Variants in IRAG1 observed in about 807,000 individuals in gnomAD.
IRAG1 encodes the protein IP3R-associated cGMP kinase substrate.
A neutral mutation model predicts 106.2 loss-of-function variants in IRAG1; 62 were observed. The observed-to-expected ratio is 0.58, with a 90% CI of 0.48 to 0.72. The LOEUF is 0.72. Ranked by LOEUF, IRAG1 falls within the 30% of genes least tolerant of loss-of-function variation. The probability of loss-of-function intolerance (pLI) is 0.00; values close to 1 mark genes in which losing one functional copy is unlikely to be tolerated. For synonymous variants in IRAG1, 462 were observed against 443.9 expected, an observed-to-expected ratio of 1.04 and a Z score of -0.51; for missense variants, 1,064 against 1,140.7, an observed-to-expected ratio of 0.93 and a Z score of 0.97.
At chr11:10,600,225 C>T (rs1305447725) in intron 15 of IRAG1, among the ~76,000 whole-genome samples, 1 of 152,188 alleles carries the variant, frequency 6.6e-6, no homozygotes, top group Non-Finnish European at 1.5e-5. Context: ...TGGGCCCTCC[C>T]CCGTGCTCCT....
Position 10,604,452 on chromosome 11 carries a change from C to T in IRAG1, c.1696G>A (p.Glu566Lys). 1 of 1,614,056 alleles carries T rather than the reference C, an allele frequency of 6.2e-7. No homozygotes were observed. Among genetic ancestry groups the T allele is most frequent in the Non-Finnish European group, 8.5e-7 (1 of 1,179,890 alleles). The stretch of plus-strand genomic sequence containing the variant: ...TCCAGTTCTTTCTCAGTGTTCTCCT[C>T]TGTCAGGTTGCGTTCCCTTTCAGCC... The part of the protein sequence containing the change: ...NQAERERNLT[E>K]ENTEKELENF... Residue 566 changes from glutamate (E) to lysine (K), a missense_variant, in exon 13 of 21, where the codon GAG becomes AAG. Coordinates refer to ENST00000423302, the MANE Select transcript of IRAG1 (RefSeq NM_130385.4).
intron 1 of IRAG1, among the ~76,000 whole-genome samples, chr11:10,686,255 C>T (rs192851896): frequency 3.3e-5 from 5 of 152,234 alleles, no homozygotes; most frequent in East Asian, 1.9e-4. Flanking sequence ...CATTCGCCCA[C>T]GTCAAACAGT....
intron 11 of IRAG1, among the ~76,000 whole-genome samples, chr11:10,607,511 C>T (rs1006408704): frequency 2.6e-5 from 4 of 152,316 alleles, no homozygotes; most frequent in Non-Finnish European, 2.9e-5. Context: ...CATGTCCACT[C>T]GATGCTGCTG....
chr11:10,646,530 C>T (rs1471236433), intron 2 of IRAG1, among the ~76,000 whole-genome samples: 1 of 152,134 alleles, frequency 6.6e-6, no homozygotes, highest in Non-Finnish European at 1.5e-5. Flanking sequence ...CCTCCATAGC[C>T]AGAGGTTCTA....
chr11:10,610,404 C>T (rs983272170), intron 10 of IRAG1, among the ~76,000 whole-genome samples: 2 of 152,230 alleles, frequency 1.3e-5, no homozygotes, highest in South Asian at 2.1e-4. Flanking sequence ...GCCTCCTAGT[C>T]AACAGAGACA....
intron 10 of IRAG1, among the ~76,000 whole-genome samples, chr11:10,621,519 C>G (rs1443880123): frequency 1.3e-5 from 2 of 152,174 alleles, no homozygotes; most frequent in Non-Finnish European, 2.9e-5. Flanking sequence ...ACCAGAGCAG[C>G]CCCATTTGCA....
chr11:10,667,194 G>A (rs891949522), intron 1 of IRAG1, among the ~76,000 whole-genome samples: 6 of 151,394 alleles, frequency 4.0e-5, no homozygotes, highest in African/African-American at 1.5e-4. Flanking sequence ...CTGGATCCCA[G>A]AAGCCCCAAA....
At chr11:10,609,475 T>G (rs746740101) in intron 11 of IRAG1, among the ~76,000 whole-genome samples, 2 of 152,248 alleles carry the variant, frequency 1.3e-5, no homozygotes, top group Non-Finnish European at 2.9e-5. Context: ...TCTGCTGCCA[T>G]GAGCTTCTGG....
chr11:10,671,345 G>A (rs886985043), intron 1 of IRAG1, among the ~76,000 whole-genome samples: 1 of 152,136 alleles, frequency 6.6e-6, no homozygotes, highest in South Asian at 2.1e-4. Flanking sequence ...CATTAGCAAT[G>A]AACAATCAAA....
At chr11:10,646,223 C>T (rs769203596) in intron 2 of IRAG1, among the ~76,000 whole-genome samples, 1 of 152,190 alleles carries the variant, frequency 6.6e-6, no homozygotes. Flanking sequence ...GATAGGCCTC[C>T]TACAACCCTT....
chr11:10,597,690 T>G (rs1158055194), intron 15 of IRAG1, among the ~76,000 whole-genome samples: 1 of 152,206 alleles, frequency 6.6e-6, no homozygotes, highest in Non-Finnish European at 1.5e-5. Flanking sequence ...CTTAAAAAAA[T>G]TGTCAGATCA....
chr11:10,581,349 G>A (rs567150368), intron 19 of IRAG1, among the ~76,000 whole-genome samples: 32 of 152,248 alleles, frequency 2.1e-4, no homozygotes, highest in African/African-American at 7.7e-4. Context: ...TTGAGGCTTG[G>A]TACCTGCTCA....
Position 10,628,087 on chromosome 11 carries a change from A to G in IRAG1, c.653-62T>C. The G allele has an allele frequency of 6.4e-7, 1 of 1,567,494 alleles. No homozygotes were observed. The highest frequency in any genetic ancestry group is 8.8e-7 in the Non-Finnish European group (1 of 1,141,792). ...AGCCCAGGCCCTCAGCTGTGCTTTC[A>G]GCCACATCTCCCTCCCCGGGCTATC... On this transcript the variant is annotated intron_variant, in intron 6 of 20. Transcript: ENST00000423302. This position sits in a 1 kb window ranked among gnomAD's most constrained non-coding sequence, Gnocchi z 4.1.
intron 1 of IRAG1, among the ~76,000 whole-genome samples, chr11:10,666,998 C>T (rs940133080): frequency 6.6e-6 from 1 of 152,188 alleles, no homozygotes; most frequent in Non-Finnish European, 1.5e-5. Context: ...TAGGTCGGCT[C>T]AGACACCCCT....
intron 2 of IRAG1, among the ~76,000 whole-genome samples, chr11:10,642,089 A>G (rs757765272): frequency 2.7e-4 from 41 of 152,282 alleles, no homozygotes; most frequent in Non-Finnish European, 4.9e-4. Context: ...GCTGGAGAAA[A>G]GGACAGCATG....
intron 10 of IRAG1, among the ~76,000 whole-genome samples, chr11:10,610,742 T>C (rs939663016): frequency 6.6e-6 from 1 of 152,236 alleles, no homozygotes; most frequent in Non-Finnish European, 1.5e-5. Flanking sequence ...ATGTTTGTTA[T>C]TCATGCAGCA....
chr11:10,585,544 G>A (rs1239320453), intron 18 of IRAG1, among the ~76,000 whole-genome samples: 6 of 151,798 alleles, frequency 4.0e-5, no homozygotes, highest in Non-Finnish European at 8.8e-5. Flanking sequence ...ACCTTCTTGG[G>A]TCATTTGTGA....
At chr11:10,599,652 T>C (rs916473777) in intron 15 of IRAG1, 5 of 152,212 alleles carry the variant, frequency 3.3e-5, no homozygotes, top group African/African-American at 1.2e-4. Context: ...TACTTTCCCT[T>C]CTGCAGCTCT....
In IRAG1 at chr11:10,609,710, C is replaced by G. The variant is rs1564905991; in HGVS notation, c.1571+18G>C. The G allele has an allele frequency of 6.2e-7, 1 of 1,609,156 alleles. No individual in the cohort carries two copies. The highest frequency in any genetic ancestry group is 8.5e-7 in the Non-Finnish European group (1 of 1,179,314). On this transcript the variant is annotated intron_variant, in intron 11 of 20. Transcript: ENST00000423302. ...CCACTCGGTACAGGGCCTTCTGTAA[C>G]CCACATCCTGATTTTACCTTCCAGG...
Sources: allele counts gnomAD v4.1 joint callset (sites outside exome capture counted in the v4.1 genomes callset), GRCh38; gene constraint gnomAD v4.1.1; non-coding constraint Gnocchi (gnomAD v3.1); transcripts MANE v1.5; gene names NCBI Gene and HGNC (gene_info 2026-07-23, HGNC 2026-07-21).